Variants in KLHL22 observed in about 807,000 individuals in gnomAD.
KLHL22 encodes kelch like family member 22, also known as kelch-like protein 22.
A neutral mutation model predicts 60.7 loss-of-function variants in KLHL22; 18 were observed. The observed-to-expected ratio is 0.30, with a 90% confidence interval of 0.20 to 0.44. The LOEUF (loss-of-function observed/expected upper bound fraction) is 0.44. KLHL22 is among the 20% of genes least tolerant of loss of function. KLHL22 has a pLI of 1.00. For missense variants in KLHL22, 596 were observed against 852.3 expected (o/e 0.70, Z 3.74); for synonymous variants, 355 against 354.5 (o/e 1.00, Z -0.01).
Position 20,473,641 on chromosome 22 carries a change from C to T in KLHL22, c.228-2126G>A, listed in dbSNP as rs546198543. 5.3e-5 allele frequency among the ~76,000 whole-genome samples: 8 copies of T among 152,226 alleles called. No homozygotes were observed. The South Asian group carries it at 1.0e-3, about 20-fold the overall frequency. Reference sequence around the variant, plus strand: ...CTGTAATCCCAGGACTTTGGGAGGCCGAGGCAGGCCGATCATCTGAGGTTG... The same window carrying T: ...CTGTAATCCCAGGACTTTGGGAGGCTGAGGCAGGCCGATCATCTGAGGTTG... On this transcript the variant is annotated intron_variant, in intron 2 of 6. Transcript: ENST00000328879.
At chr22:20,477,392 G>T (rs1045135155) in intron 2 of KLHL22, among the ~76,000 whole-genome samples, 2 of 150,676 alleles carry the variant, frequency 1.3e-5, no homozygotes, top group African/African-American at 4.9e-5. Context: ...AAAAGAAAAA[G>T]AAAAAGAAGG....
At chr22:20,451,460 C>T (rs1457695976) in intron 5 of KLHL22, 1 of 1,602,372 alleles carries the variant, frequency 6.2e-7, no homozygotes, top group African/African-American at 1.3e-5. Flanking sequence ...AAATATGACC[C>T]TCATACAGGA....
intron 2 of KLHL22, among the ~76,000 whole-genome samples, chr22:20,478,663 C>G (rs1032927212): frequency 1.0e-4 from 15 of 149,776 alleles, no homozygotes; most frequent in African/African-American, 3.7e-4. Flanking sequence ...TATAGGCGCC[C>G]GCCACCACGC....
At chr22:20,450,320 T>G in intron 5 of KLHL22, 2 of 1,207,068 alleles carry the variant, frequency 1.7e-6, no homozygotes, top group Non-Finnish European at 2.5e-6. Flanking sequence ...GTGACCTTTA[T>G]AGAAGGGGAA....
chr22:20,452,147 G>A (rs1035906842), intron 5 of KLHL22, among the ~76,000 whole-genome samples: 1 of 151,662 alleles, frequency 6.6e-6, no homozygotes, highest in Non-Finnish European at 1.5e-5. Flanking sequence ...TATGTATGTT[G>A]TGCCTCATAT....
chr22:20,494,373 G>A (rs752326536), intron 1 of KLHL22, among the ~76,000 whole-genome samples: 8 of 152,076 alleles, frequency 5.3e-5, no homozygotes, highest in Middle Eastern at 3.4e-3. Context: ...CACTGCGCCC[G>A]GCTAATTTTT....
intron 1 of KLHL22, among the ~76,000 whole-genome samples, chr22:20,494,073 T>TTCCCCC (rs2053730571): frequency 1.8e-5 from 1 of 55,446 alleles, no homozygotes; most frequent in Non-Finnish European, 3.8e-5. Context: ...AGCCAGACTT[T>TTCCCCC]GCCCCCCCCC....
At chr22:20,493,034 G>A (rs1199868723) in intron 1 of KLHL22, 4 of 395,860 alleles carry the variant, frequency 1.0e-5, no homozygotes, top group South Asian at 1.9e-5. Context: ...ATATACCCAC[G>A]CCTCAGCTTT....
At chr22:20,494,706 A>G (rs369745380) in intron 1 of KLHL22, among the ~76,000 whole-genome samples, 3 of 152,230 alleles carry the variant, frequency 2.0e-5, no homozygotes, top group Non-Finnish European at 4.4e-5. Flanking sequence ...TTTAGTCATC[A>G]CAAGCCAAGT....
chr22:20,468,680 T>C (rs1172371190), intron 3 of KLHL22, among the ~76,000 whole-genome samples: 1 of 152,122 alleles, frequency 6.6e-6, no homozygotes, highest in Non-Finnish European at 1.5e-5. Context: ...TTTTTGTTTG[T>C]TTGTTTTTTG....
intron 6 of KLHL22, among the ~76,000 whole-genome samples, chr22:20,443,478 C>T (rs952132275): frequency 7.2e-5 from 11 of 152,174 alleles, no homozygotes; most frequent in Admixed American, 1.3e-4. Context: ...TGGTGGCTCA[C>T]GCCTGTAATC....
chr22:20,480,425 G>A (rs781389135), intron 2 of KLHL22, among the ~76,000 whole-genome samples: 2 of 152,176 alleles, frequency 1.3e-5, no homozygotes, highest in Non-Finnish European at 2.9e-5. Flanking sequence ...CGACAGCACG[G>A]AACACTCCAC....
At chr22:20,493,185 A>G (rs5755677) in intron 1 of KLHL22, 2 of 471,190 alleles carry the variant, frequency 4.2e-6, no homozygotes, top group African/African-American at 4.0e-5. Context: ...TCTCTTGGGA[A>G]GGGATAAATG....
At chr22:20,460,073 T>A (rs1569129436) in intron 4 of KLHL22, among the ~76,000 whole-genome samples, 2 of 152,064 alleles carry the variant, frequency 1.3e-5, no homozygotes, top group East Asian at 3.9e-4. Flanking sequence ...GGCACAGCAC[T>A]CACAGGGGCC....
chr22:20,444,320 C>T (rs1377575597), intron 6 of KLHL22, among the ~76,000 whole-genome samples: 1 of 152,188 alleles, frequency 6.6e-6, no homozygotes, highest in Admixed American at 6.5e-5. Context: ...CCTGACCGCA[C>T]CCTGGTTTTA....
chr22:20,473,583 A>C (rs1221122824), intron 2 of KLHL22, among the ~76,000 whole-genome samples: 1 of 152,232 alleles, frequency 6.6e-6, no homozygotes, highest in Non-Finnish European at 1.5e-5. Flanking sequence ...TTTAAAATAC[A>C]GTATAGGTTA....
chr22:20,485,821 T>C (rs372120463), intron 2 of KLHL22, among the ~76,000 whole-genome samples: 6 of 151,084 alleles, frequency 4.0e-5, no homozygotes, highest in African/African-American at 7.3e-5. Flanking sequence ...TGAGCCGAGA[T>C]TGCCCCACTG....
At chr22:20,444,017 C>G (rs551532634) in intron 6 of KLHL22, among the ~76,000 whole-genome samples, 1 of 151,154 alleles carries the variant, frequency 6.6e-6, no homozygotes, top group East Asian at 1.9e-4. Flanking sequence ...CACCAGTGCC[C>G]CCCAGCCTGG....
chr22:20,452,506 T>A (rs1457934621), intron 5 of KLHL22, among the ~76,000 whole-genome samples: 2 of 152,222 alleles, frequency 1.3e-5, no homozygotes, highest in African/African-American at 4.8e-5. Flanking sequence ...TTACATAACC[T>A]GGAAGACTGA....
Sources: allele counts gnomAD v4.1 joint callset (sites outside exome capture counted in the v4.1 genomes callset), GRCh38; gene constraint gnomAD v4.1.1; transcripts MANE v1.5; gene names NCBI Gene and HGNC (gene_info 2026-07-23, HGNC 2026-07-21).